C1QTNF9: variants seen among roughly 807,000 people sequenced by gnomAD.
C1QTNF9 encodes complement C1q and tumor necrosis factor-related protein 9A.
C1QTNF9 carries 6 observed loss-of-function variants against 10.1 expected under a neutral mutation model. The observed-to-expected ratio is 0.59, with a 90% confidence interval of 0.32 to 1.17. C1QTNF9 has a LOEUF of 1.17. Among genes scored for constraint, C1QTNF9 ranks in the 50% most tolerant of loss-of-function variants. The pLI is 0.04. For missense variants in C1QTNF9, 201 were observed against 418.8 expected (o/e 0.48, Z 4.54); for synonymous variants, 98 against 163.5 (o/e 0.60, Z 3.06).
intron 1 of C1QTNF9, among the ~76,000 whole-genome samples, chr13:24,310,244 C>T (rs1039379903): frequency 1.3e-5 from 2 of 152,054 alleles, no homozygotes; most frequent in African/African-American, 4.8e-5. Context: ...AGCTCCGCCT[C>T]CCGGGTTCAC....
intron 1 of C1QTNF9, among the ~76,000 whole-genome samples, chr13:24,313,387 C>T (rs559480078): frequency 3.4e-4 from 52 of 152,260 alleles, no homozygotes; most frequent in African/African-American, 1.1e-3. Flanking sequence ...TCATTTTATT[C>T]CTGGAATAGT....
chr13:24,317,527 G>T (rs1878088072), intron 2 of C1QTNF9, among the ~76,000 whole-genome samples: 1 of 151,498 alleles, frequency 6.6e-6, no homozygotes, highest in African/African-American at 2.4e-5. Flanking sequence ...TAGTTCATAG[G>T]TATTATATAT....
chr13:24,307,687 C>G (rs1877651943), upstream of C1QTNF9, among the ~76,000 whole-genome samples: 1 of 152,184 alleles, frequency 6.6e-6, no homozygotes, highest in Admixed American at 6.5e-5. Context: ...GGGGCGAGCC[C>G]CAGAACCCAT....
At chr13:24,316,771 G>C (rs1878056075) in intron 2 of C1QTNF9, among the ~76,000 whole-genome samples, 1 of 152,158 alleles carries the variant, frequency 6.6e-6, no homozygotes, top group Admixed American at 6.5e-5. Flanking sequence ...GCCTCTGGGA[G>C]GGAGATTTGC....
At chr13:24,319,614 T>C (rs1464695185) in intron 3 of C1QTNF9, among the ~76,000 whole-genome samples, 1 of 152,112 alleles carries the variant, frequency 6.6e-6, no homozygotes, top group Non-Finnish European at 1.5e-5. Flanking sequence ...TTTGTTTAGC[T>C]TGCGGGAGGG....
At chr13:24,308,025 G>T (rs1299552609), upstream of C1QTNF9, among the ~76,000 whole-genome samples, 1 of 152,192 alleles carries the variant, frequency 6.6e-6, no homozygotes, top group Non-Finnish European at 1.5e-5. Flanking sequence ...CGGAGTGAGT[G>T]GGGTGTCAGC....
chr13:24,312,323 G>A (rs1877858033), intron 1 of C1QTNF9, among the ~76,000 whole-genome samples: 1 of 152,106 alleles, frequency 6.6e-6, no homozygotes, highest in Non-Finnish European at 1.5e-5. Flanking sequence ...GTCTAGGTGT[G>A]GTGTACAGAG....
At chr13:24,308,845 G>A (rs1430203577), upstream of C1QTNF9, among the ~76,000 whole-genome samples, 2 of 152,224 alleles carry the variant, frequency 1.3e-5, no homozygotes, top group Non-Finnish European at 2.9e-5. Context: ...GGAAGCTACT[G>A]TAAGTTTTAG....
chr13:24,322,396 C>G (rs954211431), exon 4 of C1QTNF9: 2 of 152,254 alleles, frequency 1.3e-5, no homozygotes, highest in African/African-American at 2.4e-5. Context: ...CCACTTTGCT[C>G]ATTTTCTAAC....
At chr13:24,316,239 T>A in intron 2 of C1QTNF9, 70 bp downstream of exon 2, 2 of 1,518,248 alleles carry the variant, frequency 1.3e-6, no homozygotes, top group South Asian at 1.2e-5. Context: ...TCACTCATCA[T>A]CTGTGTGATT....
At chr13:24,315,277 AC>A (rs1435129296) in intron 1 of C1QTNF9, among the ~76,000 whole-genome samples, 3 of 152,076 alleles carry the variant, frequency 2.0e-5, no homozygotes, top group Non-Finnish European at 2.9e-5. Context: ...GGCTCTAGGA[AC>A]CTCTTATAGG....
chr13:24,308,656 T>G (rs1877694999), upstream of C1QTNF9, among the ~76,000 whole-genome samples: 1 of 151,882 alleles, frequency 6.6e-6, no homozygotes. Flanking sequence ...CCCTGCTCTG[T>G]GCGTGGGCTC....
intron 2 of C1QTNF9, among the ~76,000 whole-genome samples, chr13:24,317,825 G>A (rs1458357324): frequency 1.4e-5 from 2 of 145,254 alleles, no homozygotes; most frequent in Non-Finnish European, 3.0e-5. Context: ...AGGAGAGGAA[G>A]ACACAGGGGA....
chr13:24,311,652 G>A (rs1426277698), intron 1 of C1QTNF9, among the ~76,000 whole-genome samples: 5 of 152,160 alleles, frequency 3.3e-5, no homozygotes, highest in African/African-American at 1.2e-4. Context: ...CCGCACCTTG[G>A]GCAGCGCATG....
At chr13:24,314,268 A>G (rs1415278266) in intron 1 of C1QTNF9, among the ~76,000 whole-genome samples, 1 of 152,048 alleles carries the variant, frequency 6.6e-6, no homozygotes, top group African/African-American at 2.4e-5. Flanking sequence ...AGTCAGGTAC[A>G]GGGTCTTTAG....
chr13:24,321,634 G>A lies in C1QTNF9; in HGVS notation c.868G>A (p.Gly290Ser), dbSNP rs141934743. The A allele has an allele frequency of 1.3e-4, 203 of 1,614,120 alleles. 1 individual carries two copies. The highest frequency in any genetic ancestry group is 7.0e-4 in the Admixed American group (42 of 60,016). Residue 290 changes from glycine (G) to serine (S), a missense_variant, in exon 4 of 4, where the codon GGC becomes AGC. Physicochemically the swap from Gly to Ser is moderately conservative, Grantham distance 56. Transcript: ENST00000332018. Reference sequence around the variant, plus strand: ...GAGCTCTGAGGACCAGGCCTCTGGCGGCATTGTCCTGCAGCTGAAGCTCGG... The same window carrying A: ...GAGCTCTGAGGACCAGGCCTCTGGCAGCATTGTCCTGCAGCTGAAGCTCGG...
chr13:24,309,283 T>TTATATATATATATA (rs72150411), upstream of C1QTNF9, among the ~76,000 whole-genome samples: 1,574 of 67,968 alleles, frequency 0.023, 196 homozygotes, highest in African/African-American at 0.033. Flanking sequence ...ACTTAAAGTA[T>TTATATATATATATA]TATATATATA....
intron 1 of C1QTNF9, among the ~76,000 whole-genome samples, chr13:24,310,177 A>G (rs1877757645): frequency 6.8e-6 from 1 of 148,026 alleles, no homozygotes; most frequent in South Asian, 2.2e-4. Flanking sequence ...TTTTTGAGAC[A>G]GAGTCTCACT....
upstream of C1QTNF9, among the ~76,000 whole-genome samples, chr13:24,308,590 G>A (rs1225584619): frequency 6.6e-6 from 1 of 152,218 alleles, no homozygotes; most frequent in African/African-American, 2.4e-5. Context: ...GGGAGAGGGA[G>A]TCGGCGCCGC....
Sources: gnomAD v4.1 joint callset for allele counts (sites outside exome capture counted in the v4.1 genomes callset) on GRCh38, gnomAD v4.1.1 for gene constraint, MANE v1.5 for transcripts, NCBI Gene and HGNC (gene_info 2026-07-23, HGNC 2026-07-21) for gene names.